FRY: variants seen among roughly 807,000 people sequenced by gnomAD.
FRY encodes protein furry homolog.
A neutral mutation model predicts 348.4 loss-of-function variants in FRY; 128 were observed. The ratio of observed to expected loss-of-function variants is 0.37; its 90% CI spans 0.32 to 0.43. The LOEUF (loss-of-function observed/expected upper bound fraction) is 0.43, where lower values mean the gene tolerates loss of function less well. Ranked by LOEUF, FRY falls within the 20% of genes least tolerant of loss-of-function variation. FRY has a pLI of 1.00. For missense variants in FRY, 2,736 were observed against 3,695.2 expected (o/e 0.74, Z 6.73); for synonymous variants, 1,370 against 1,374.7 (o/e 1.00, Z 0.08).
intron 10 of FRY, among the ~76,000 whole-genome samples, chr13:32,136,649 A>G (rs962892340): frequency 1.3e-5 from 2 of 152,244 alleles, no homozygotes; most frequent in African/African-American, 2.4e-5. Flanking sequence ...ATTACACGCT[A>G]TCCATAATTC....
chr13:32,199,190 T>C (rs1883861091), intron 29 of FRY, among the ~76,000 whole-genome samples: 1 of 152,192 alleles, frequency 6.6e-6, no homozygotes, highest in African/African-American at 2.4e-5. Context: ...GGAACAGATA[T>C]GACCTTGACC....
intron 55 of FRY, among the ~76,000 whole-genome samples, chr13:32,273,027 C>G (rs890367761): frequency 1.3e-5 from 2 of 151,852 alleles, no homozygotes; most frequent in Admixed American, 6.6e-5. Context: ...TGTTTTGGCA[C>G]TGACGCAGGC....
At chr13:32,186,134 C>T (rs1883014097) in intron 26 of FRY, 126 bp from the exon 27 acceptor site, 7 of 782,060 alleles carry the variant, frequency 9.0e-6, no homozygotes, top group Admixed American at 7.8e-5. Context: ...GTGCATGTTT[C>T]ATTGCCTAAA....
At chr13:32,217,796 T>A (rs754868101) in intron 35 of FRY, among the ~76,000 whole-genome samples, 5 of 152,250 alleles carry the variant, frequency 3.3e-5, no homozygotes, top group Non-Finnish European at 1.5e-5. Flanking sequence ...AATAAGATGA[T>A]GTCTATGAAT....
chr13:32,043,440 T>A (rs1402093789), intron 1 of FRY, among the ~76,000 whole-genome samples: 1 of 152,338 alleles, frequency 6.6e-6, no homozygotes, highest in African/African-American at 2.4e-5. Flanking sequence ...AAGAGCCGCA[T>A]GAAGTGCTGT....
chr13:32,188,471 A>G (rs2138274848), intron 28 of FRY, among the ~76,000 whole-genome samples: 2 of 152,304 alleles, frequency 1.3e-5, no homozygotes, highest in East Asian at 3.9e-4. Flanking sequence ...TGATGAGAAG[A>G]ATTAGCAGGA....
chr13:32,272,026 A>T (rs530479092), intron 55 of FRY, among the ~76,000 whole-genome samples: 3 of 152,344 alleles, frequency 2.0e-5, no homozygotes, highest in East Asian at 1.9e-4. Context: ...ATAATTTTTT[A>T]AAATGCATAC....
At chr13:32,096,161 G>A (rs1169429720) in intron 2 of FRY, among the ~76,000 whole-genome samples, 1 of 151,382 alleles carries the variant, frequency 6.6e-6, no homozygotes, top group Non-Finnish European at 1.5e-5. Context: ...TGTCCCCTAG[G>A]TGTACTCTCA....
chr13:32,063,820 C>T (rs1477772185), intron 1 of FRY, among the ~76,000 whole-genome samples: 2 of 152,160 alleles, frequency 1.3e-5, no homozygotes, highest in Non-Finnish European at 2.9e-5. Flanking sequence ...GCATAATTGG[C>T]GCTTTATTTG....
rs115628159 is a variant in FRY at position 32,282,807 on chromosome 13, C to T, written c.8469+4259C>T. 1.0e-3 allele frequency among the ~76,000 whole-genome samples: 154 copies of T among 152,322 alleles called. 1 individual carries two copies. Among genetic ancestry groups the T allele is most frequent in the African/African-American group, 3.6e-3 (149 of 41,570 alleles). ...CAATTCACAGACATGTTGTGTTAAGCTTGCACAATATTAACTGACCCTGCA... is the reference window on the plus strand; with the variant it reads ...CAATTCACAGACATGTTGTGTTAAGTTTGCACAATATTAACTGACCCTGCA... On this transcript the variant is annotated intron_variant, in intron 58 of 60. Transcript: ENST00000542859.
At chr13:32,132,970 G>A (rs1054442857) in intron 8 of FRY, among the ~76,000 whole-genome samples, 3 of 152,118 alleles carry the variant, frequency 2.0e-5, no homozygotes, top group Non-Finnish European at 2.9e-5. Flanking sequence ...TGTTTATATG[G>A]AATGTCCAGA....
intron 28 of FRY, among the ~76,000 whole-genome samples, chr13:32,193,762 T>C (rs1883501839): frequency 6.6e-6 from 1 of 151,434 alleles, no homozygotes; most frequent in South Asian, 2.1e-4. Context: ...ATTTTTTCTA[T>C]TTTTTAGTAG....
chr13:32,218,390 A>G (rs1408303074), intron 35 of FRY, among the ~76,000 whole-genome samples: 2 of 152,176 alleles, frequency 1.3e-5, no homozygotes, highest in African/African-American at 2.4e-5. Context: ...GTTTATGAGT[A>G]AGAGCGTAGG....
chr13:32,259,356 T>C (rs1483518203), intron 51 of FRY, among the ~76,000 whole-genome samples: 2 of 152,180 alleles, frequency 1.3e-5, no homozygotes, highest in African/African-American at 4.8e-5. Context: ...AATGGAGATA[T>C]TACACCTTCC....
At chr13:32,086,596 G>C (rs2138564323) in intron 2 of FRY, among the ~76,000 whole-genome samples, 1 of 152,170 alleles carries the variant, frequency 6.6e-6, no homozygotes, top group East Asian at 1.9e-4. Context: ...ATTCCATCTG[G>C]ATCTAGTCTA....
intron 4 of FRY, among the ~76,000 whole-genome samples, chr13:32,117,724 G>T (rs55725226): frequency 3.4e-3 from 521 of 152,230 alleles, no homozygotes; most frequent in Non-Finnish European, 5.7e-3. Context: ...AAGGGCCACA[G>T]GTCACTTTCT....
intron 1 of FRY, among the ~76,000 whole-genome samples, chr13:32,054,426 A>G (rs1873511225): frequency 6.6e-6 from 1 of 151,500 alleles, no homozygotes; most frequent in African/African-American, 2.4e-5. Flanking sequence ...AACTAGACCA[A>G]AAAAAAATAA....
intron 58 of FRY, among the ~76,000 whole-genome samples, chr13:32,283,187 A>ACACACACTCAAAACAGAATTCCTGGTGT (rs1888898951): frequency 6.6e-6 from 1 of 151,382 alleles, no homozygotes; most frequent in Non-Finnish European, 1.5e-5. Flanking sequence ...TTTCACACAT[A>ACACACACTCAAAACAGAATTCCTGGTGT]CACACACACT....
At chr13:32,044,929 A>G (rs888806632) in intron 1 of FRY, among the ~76,000 whole-genome samples, 2 of 152,200 alleles carry the variant, frequency 1.3e-5, no homozygotes, top group Non-Finnish European at 2.9e-5. Flanking sequence ...AAAAAGATCT[A>G]TATAAATCAA....
Sources: gnomAD v4.1 joint callset for allele counts (sites outside exome capture counted in the v4.1 genomes callset) on GRCh38, gnomAD v4.1.1 for gene constraint, MANE v1.5 for transcripts, NCBI Gene and HGNC (gene_info 2026-07-23, HGNC 2026-07-21) for gene names.